FHIT: variants seen among roughly 807,000 people sequenced by gnomAD.
The protein encoded by FHIT is fragile histidine triad diadenosine triphosphatase, also known as bis(5'-adenosyl)-triphosphatase.
Under a neutral mutation model 17.9 loss-of-function variants are expected in FHIT, and 19 were observed. That is an observed-to-expected ratio of 1.06 (90% CI 0.74 to 1.56). The LOEUF is 1.56. FHIT is among the 40% of genes most tolerant of loss of function. The probability of loss-of-function intolerance (pLI) is 0.00; values close to 1 mark genes in which losing one functional copy is unlikely to be tolerated. For synonymous variants in FHIT, 81 were observed against 69.7 expected (o/e 1.16, Z -0.81); for missense variants, 248 against 189.2 (o/e 1.31, Z -1.82).
At chr3:60,991,801 A>T (rs1241286500) in intron 3 of FHIT, among the ~76,000 whole-genome samples, 1 of 151,258 alleles carries the variant, frequency 6.6e-6, no homozygotes, top group Non-Finnish European at 1.5e-5. Flanking sequence ...TGTTGTTGTT[A>T]TTATTATTAT....
At chr3:60,970,739 T>C (rs1015457638) in intron 3 of FHIT, among the ~76,000 whole-genome samples, 12 of 152,146 alleles carry the variant, frequency 7.9e-5, no homozygotes, top group Non-Finnish European at 1.6e-4. Flanking sequence ...TAATCCACTC[T>C]CATTCTACCT....
chr3:60,034,898 G>A (rs1021164378), intron 5 of FHIT, among the ~76,000 whole-genome samples: 1 of 152,190 alleles, frequency 6.6e-6, no homozygotes, highest in Admixed American at 6.5e-5. Context: ...TTTGTTTGAT[G>A]CAAATTAAAC....
chr3:61,071,919 T>A (rs2034821396), intron 2 of FHIT, among the ~76,000 whole-genome samples: 1 of 152,208 alleles, frequency 6.6e-6, no homozygotes, highest in Non-Finnish European at 1.5e-5. Context: ...TTTTATAACT[T>A]ATTACTGATT....
intron 5 of FHIT, among the ~76,000 whole-genome samples, chr3:60,086,451 T>C (rs900114911): frequency 1.3e-5 from 2 of 152,196 alleles, no homozygotes; most frequent in African/African-American, 4.8e-5. Flanking sequence ...TTAACTCATT[T>C]CAAAATCAAC....
At chr3:59,967,799 G>T (rs1371923030) in intron 7 of FHIT, among the ~76,000 whole-genome samples, 2 of 151,448 alleles carry the variant, frequency 1.3e-5, no homozygotes, top group Non-Finnish European at 2.9e-5. Flanking sequence ...GGATGGAGAA[G>T]AAAAGATTAG....
intron 8 of FHIT, among the ~76,000 whole-genome samples, chr3:59,855,588 T>C (rs973132907): frequency 6.6e-6 from 1 of 152,092 alleles, no homozygotes. Context: ...GTACTTATAA[T>C]AGAAGATAGC....
intron 4 of FHIT, among the ~76,000 whole-genome samples, chr3:60,586,157 A>G (rs961081348): frequency 6.6e-6 from 1 of 151,924 alleles, no homozygotes; most frequent in Non-Finnish European, 1.5e-5. Flanking sequence ...ACATGAGCAC[A>G]CTGGCTGCAG....
chr3:61,170,851 T>C (rs2037982704), intron 2 of FHIT, among the ~76,000 whole-genome samples: 1 of 152,224 alleles, frequency 6.6e-6, no homozygotes, highest in South Asian at 2.1e-4. Context: ...CATGTGTGTT[T>C]ATAACACAAT....
chr3:60,283,579 G>A (rs761851971), intron 5 of FHIT, among the ~76,000 whole-genome samples: 1 of 151,942 alleles, frequency 6.6e-6, no homozygotes, highest in Non-Finnish European at 1.5e-5. Context: ...CTAGGGATAC[G>A]GTCTGTAAGA....
chr3:60,068,667 C>A (rs1314309733), intron 5 of FHIT, among the ~76,000 whole-genome samples: 2 of 152,186 alleles, frequency 1.3e-5, no homozygotes, highest in Non-Finnish European at 2.9e-5. Flanking sequence ...AGAGGAAATA[C>A]TTGATTTCAT....
chr3:60,596,537 A>T (rs1192894312), intron 4 of FHIT, among the ~76,000 whole-genome samples: 3 of 152,128 alleles, frequency 2.0e-5, no homozygotes, highest in African/African-American at 7.2e-5. Context: ...TCCAAAACAG[A>T]CAAGATTGAG....
rs555552250 is a variant in FHIT at position 60,286,978 on chromosome 3, C to T, written c.103+249882G>A. On this transcript the variant is annotated intron_variant, in intron 5 of 9. Transcript: ENST00000492590. ...GCTTTACTTCAAATAAATGCTGTTGCAATTAGCCTGATGACCCTTCTTTTG... is the reference window on the plus strand; with the variant it reads ...GCTTTACTTCAAATAAATGCTGTTGTAATTAGCCTGATGACCCTTCTTTTG... Among the ~76,000 whole-genome samples the T allele has an allele frequency of 1.2e-4, 19 of 152,268 alleles. No individual in the cohort carries two copies. In the South Asian group the frequency reaches 1.5e-3, roughly 12 times the overall value.
intron 5 of FHIT, among the ~76,000 whole-genome samples, chr3:60,491,211 A>C (rs1336978773): frequency 2.0e-5 from 3 of 152,202 alleles, no homozygotes; most frequent in Non-Finnish European, 4.4e-5. Context: ...GTCTATTTAC[A>C]TTTCAAGAAA....
intron 3 of FHIT, among the ~76,000 whole-genome samples, chr3:60,940,822 C>T (rs1156949812): frequency 1.3e-5 from 2 of 152,104 alleles, no homozygotes; most frequent in Non-Finnish European, 2.9e-5. Context: ...CTATATTTTT[C>T]ACTCCAATAT....
At chr3:60,921,586 A>G (rs1553768363) in intron 3 of FHIT, among the ~76,000 whole-genome samples, 1 of 152,238 alleles carries the variant, frequency 6.6e-6, no homozygotes, top group African/African-American at 2.4e-5. Flanking sequence ...AACTTTTAAA[A>G]TGTCAAATCC....
chr3:61,215,413 T>C (rs1376999070), intron 1 of FHIT, among the ~76,000 whole-genome samples: 1 of 149,616 alleles, frequency 6.7e-6, no homozygotes, highest in Non-Finnish European at 1.5e-5. Context: ...CATTCACAAT[T>C]GCTCCTAGGA....
At chr3:59,902,200 T>G (rs903133190) in intron 8 of FHIT, among the ~76,000 whole-genome samples, 1 of 152,168 alleles carries the variant, frequency 6.6e-6, no homozygotes, top group Non-Finnish European at 1.5e-5. Context: ...TTATAAAAAA[T>G]GTGAAATATC....
chr3:60,439,688 T>G (rs1576655626), intron 5 of FHIT, among the ~76,000 whole-genome samples: 1 of 152,104 alleles, frequency 6.6e-6, no homozygotes, highest in East Asian at 1.9e-4. Context: ...CTGGGCATCA[T>G]GTGTCTCCCA....
At chr3:61,187,967 T>C (rs1007571469) in intron 2 of FHIT, among the ~76,000 whole-genome samples, 1 of 151,996 alleles carries the variant, frequency 6.6e-6, no homozygotes, top group Non-Finnish European at 1.5e-5. Flanking sequence ...TAAATGCCCA[T>C]AAGACAAAGC....
Sources: allele counts gnomAD v4.1 joint callset (sites outside exome capture counted in the v4.1 genomes callset), GRCh38; gene constraint gnomAD v4.1.1; transcripts MANE v1.5; gene names NCBI Gene and HGNC (gene_info 2026-07-23, HGNC 2026-07-21).